The following KMT2A variants were observed in gnomAD, a reference collection of about 807,000 sequenced individuals.
KMT2A encodes lysine methyltransferase 2A, also known as histone-lysine N-methyltransferase 2A.
A neutral mutation model predicts 345.3 loss-of-function variants in KMT2A; 16 were observed. The observed-to-expected ratio is 0.05, with a 90% CI of 0.03 to 0.07. The LOEUF (loss-of-function observed/expected upper bound fraction) is 0.07. Among genes scored for constraint, KMT2A ranks in the 10% least tolerant of loss-of-function variants. The probability of loss-of-function intolerance (pLI) is 1.00; values close to 1 mark genes in which losing one functional copy is unlikely to be tolerated. For missense variants in KMT2A, 3,272 were observed against 4,841.6 expected, an observed-to-expected ratio of 0.68 and a Z score of 9.62; for synonymous variants, 1,599 against 1,778.6, an observed-to-expected ratio of 0.90 and a Z score of 2.54.
Position 118,478,088 on chromosome 11 carries a change from G to A in KMT2A, c.3456G>A (p.Ser1152=), listed in dbSNP as rs782465215. The A allele has an allele frequency of 2.2e-5, 36 of 1,614,130 alleles. No homozygotes were observed. The highest frequency in any genetic ancestry group is 3.3e-5 in the Admixed American group (2 of 60,020). The change falls in exon 5 of 36, where the codon TCG becomes TCA. Residue 1152 remains serine (S), a synonymous_variant. Coordinates refer to ENST00000534358, the MANE Select transcript of KMT2A (RefSeq NM_001197104.2). ...CTCCAGTAAAGAAAGGACGTCGATC[G>A]AGGCGGTGTGGGCAGTGTCCCGGCT... is the stretch of plus-strand genomic sequence containing the variant. ...QEPPVKKGRR[S]RRCGQCPGCQ... is the part of the protein sequence containing the mutation.
intron 3 of KMT2A, among the ~76,000 whole-genome samples, chr11:118,475,090 G>A (rs945871875): frequency 3.9e-5 from 6 of 152,224 alleles, no homozygotes; most frequent in East Asian, 3.9e-4. Context: ...CTGAGATCCC[G>A]CCACTGCACT....
rs9332785 is a variant in KMT2A at position 118,477,699 on chromosome 11, G to T, written c.3335-268G>T. 4.6e-3 allele frequency among the ~76,000 whole-genome samples: 688 copies of T among 150,948 alleles called. 8 individuals carry two copies. The highest frequency in any genetic ancestry group is 0.015 in the African/African-American group (633 of 41,096). On this transcript the variant is annotated intron_variant, in intron 4 of 35. Coordinates refer to ENST00000534358, the MANE Select transcript of KMT2A (RefSeq NM_001197104.2). ...ATTTTTGTATTTTTAGTAGAGAGGGGTTTTGCTATGTTGGCCAGGCTGGTC... is the reference window on the plus strand; with the variant it reads ...ATTTTTGTATTTTTAGTAGAGAGGGTTTTTGCTATGTTGGCCAGGCTGGTC...
At chr11:118,488,585 A>C in intron 10 of KMT2A, 29 bp from the exon 11 acceptor site, 2 of 1,604,264 alleles carry the variant, frequency 1.2e-6, no homozygotes, top group Non-Finnish European at 1.7e-6. Flanking sequence ...TATTTGACAT[A>C]CTTCTATCTT....
At position 118,502,844 on chromosome 11, in the gene KMT2A, A is replaced by T; in HGVS notation, c.6952A>T (p.Ser2318Cys). 1 of 1,614,222 alleles carries T rather than the reference A, an allele frequency of 6.2e-7. No homozygotes were observed. Among genetic ancestry groups the T allele is most frequent in the Non-Finnish European group, 8.5e-7 (1 of 1,180,040 alleles). The change falls in exon 27 of 36, where the codon AGC becomes TGC. Residue 2318 changes from serine to cysteine, a missense_variant. Around this residue, in one of 27 missense-constraint regions of KMT2A, gnomAD observed 445 missense variants for 500.9 expected, o/e 0.89. Coordinates refer to ENST00000534358, the MANE Select transcript of KMT2A (RefSeq NM_001197104.2). The surrounding 1 kb of genome is among the most constrained non-coding windows in gnomAD (Gnocchi z 4.9). ...GAAGACCAAAGTGCTGAGTTCCAAG[A>T]GCTCAGAGGGATCTGCACATAATGT... ...GEKTKVLSSK[S>C]SEGSAHNVAY...
At chr11:118,515,025 C>G (rs1950780800) in intron 31 of KMT2A, among the ~76,000 whole-genome samples, 1 of 152,246 alleles carries the variant, frequency 6.6e-6, no homozygotes, top group African/African-American at 2.4e-5. Flanking sequence ...CCTCGGCCTC[C>G]CAAAGTGCTG....
chr11:118,436,726 G>T lies in KMT2A; in HGVS notation c.214G>T (p.Ala72Ser). The T allele has an allele frequency of 6.6e-7, 1 of 1,525,376 alleles. No individual in the cohort carries two copies. The highest frequency in any genetic ancestry group is 8.8e-7 in the Non-Finnish European group (1 of 1,133,584). The allele number at this position is 1,525,376 out of a possible 1,614,324, so 94.5% of individuals were successfully genotyped here. A position where few individuals can be genotyped will look rare whatever the true frequency, so the allele number is the denominator to read the frequency against. Residue 72 changes from alanine (A) to serine (S), a missense_variant, in exon 1 of 36, where the codon GCT becomes TCT. By Grantham distance (99) the Ala-to-Ser change is moderately conservative. This residue lies in a region of KMT2A where 412 missense variants were observed against 511.0 expected (regional missense o/e 0.81). Coordinates refer to ENST00000534358, the MANE Select transcript of KMT2A (RefSeq NM_001197104.2). The surrounding 1 kb of genome is among the most constrained non-coding windows in gnomAD (Gnocchi z 6.9). ...GGCGGCGGCGGCGGGAAGCAGCGGG[G>T]CTGGGGTTCCAGGGGGAGCGGCCGC... ...AAAAAAGSSG[A>S]GVPGGAAAAS...
chr11:118,473,470 A>T lies in KMT2A; in HGVS notation c.2311A>T (p.Thr771Ser). The change falls in exon 3 of 36, where the codon ACC (threonine) becomes TCC (serine). Residue 771 changes from threonine to serine, a missense_variant. By Grantham distance (58) the Thr-to-Ser change is moderately conservative. This residue lies in a region of KMT2A where 209 missense variants were observed against 237.4 expected (regional missense o/e 0.88). Transcript: ENST00000534358. The surrounding 1 kb of genome is among the most constrained non-coding windows in gnomAD (Gnocchi z 5.2). Reference sequence around the variant, plus strand: ...TAGTAGTTCTGAGCTCTCACCTCTCACCCCCCCGTCTTCTGTCTCTTCCTC... The same window carrying T: ...TAGTAGTTCTGAGCTCTCACCTCTCTCCCCCCCGTCTTCTGTCTCTTCCTC... Reference protein sequence around the residue: ...RLSSSELSPLTPPSSVSSSLS... With the variant: ...RLSSSELSPLSPPSSVSSSLS... 1 of 1,613,224 alleles carries T rather than the reference A, an allele frequency of 6.2e-7. No individual in the cohort carries two copies. Among genetic ancestry groups the T allele is most frequent in the Non-Finnish European group, 8.5e-7 (1 of 1,179,796 alleles).
In KMT2A at chr11:118,505,191, G is replaced by C. The variant is rs2134404319; in HGVS notation, c.9299G>C (p.Gly3100Ala). ...PLYVLQTLPN[G>A]VTQKIQLTSS... ...TATGTTCTCCAAACTCTTCCAAATGGAGTGACCCAAAAAATCCAATTGACC... is the reference window on the plus strand; with the variant it reads ...TATGTTCTCCAAACTCTTCCAAATGCAGTGACCCAAAAAATCCAATTGACC... The change falls in exon 27 of 36, where the codon GGA (glycine) becomes GCA (alanine). Residue 3100 changes from glycine (G) to alanine (A), a missense_variant. This residue lies in a region of KMT2A where 748 missense variants were observed against 922.2 expected (regional missense o/e 0.81). Coordinates refer to ENST00000534358, the MANE Select transcript of KMT2A (RefSeq NM_001197104.2). The surrounding 1 kb of genome is among the most constrained non-coding windows in gnomAD (Gnocchi z 4.6). 6.2e-7 allele frequency: 1 copy of C among 1,614,044 alleles called. No individual in the cohort carries two copies. Among genetic ancestry groups the C allele is most frequent in the Non-Finnish European group, 8.5e-7 (1 of 1,180,002 alleles).
chr11:118,517,719 G>A (rs1241722666), intron 31 of KMT2A, among the ~76,000 whole-genome samples: 1 of 152,148 alleles, frequency 6.6e-6, no homozygotes, highest in East Asian at 1.9e-4. Flanking sequence ...ATATATGCCT[G>A]TAGTCCCAGC....
rs1024083448 is a variant in KMT2A, at chr11:118,520,350, A to G, written c.11429+286A>G. ...TTGTCATGGTCAGAAAGTACTATAT[A>G]TACTAAAAATGGGACTCATTGGCCA... On this transcript the variant is annotated intron_variant, in intron 33 of 35. Transcript: ENST00000534358. This position sits in a 1 kb window ranked among gnomAD's most constrained non-coding sequence, Gnocchi z 4.3. The G allele has an allele frequency of 5.1e-6, 2 of 393,200 alleles. No homozygotes were observed. Among genetic ancestry groups the G allele is most frequent in the Admixed American group, 4.2e-5 (1 of 23,940 alleles). 24.4% of individuals were successfully genotyped at this position (393,200 alleles called of 1,614,324 possible).
At chr11:118,499,765 G>A in intron 23 of KMT2A, 70 bp from the exon 24 acceptor site, 1 of 1,190,332 alleles carries the variant, frequency 8.4e-7, no homozygotes, top group Non-Finnish European at 1.3e-6. Context: ...GGGCGACAGA[G>A]TGAGACTCTC....
rs1364942803 is a variant in KMT2A at position 118,484,671 on chromosome 11, C to T, written c.4219-191C>T. On this transcript the variant is annotated intron_variant, in intron 9 of 35. Transcript: ENST00000534358. The surrounding 1 kb of genome is among the most constrained non-coding windows in gnomAD (Gnocchi z 4.1). The stretch of plus-strand genomic sequence containing the variant: ...CGCAATATATTCAATATGAATTGAA[C>T]AACTAGGTGAGCCTTTTAATAGTCC... Among the ~76,000 whole-genome samples the T allele has an allele frequency of 3.3e-5, 5 of 152,202 alleles. No homozygotes were observed. The highest frequency in any genetic ancestry group is 1.2e-4 in the African/African-American group (5 of 41,440).
intron 24 of KMT2A, among the ~76,000 whole-genome samples, chr11:118,500,234 G>A (rs1290333824): frequency 6.6e-6 from 1 of 152,044 alleles, no homozygotes. Context: ...TTGTTTTTAT[G>A]GATAAAACAG....
At chr11:118,492,406 G>A (rs1309525170) in intron 15 of KMT2A, among the ~76,000 whole-genome samples, 1 of 152,234 alleles carries the variant, frequency 6.6e-6, no homozygotes, top group Non-Finnish European at 1.5e-5. Flanking sequence ...GGGGCCGGGC[G>A]CGGTGGCTCA....
chr11:118,438,488 A>G (rs1949245951), intron 1 of KMT2A, among the ~76,000 whole-genome samples: 1 of 110,524 alleles, frequency 9.0e-6, no homozygotes, highest in Admixed American at 1.1e-4. Context: ...AGCAGCTGCT[A>G]GGGGCTGAAG....
At chr11:118,465,720 A>C (rs1949831952) in intron 1 of KMT2A, among the ~76,000 whole-genome samples, 1 of 152,052 alleles carries the variant, frequency 6.6e-6, no homozygotes, top group South Asian at 2.1e-4. Flanking sequence ...ATATTCTATG[A>C]TTTTTTTGTT....
In KMT2A at chr11:118,498,136, G is replaced by C; in HGVS notation, c.5802+63G>C. 3 of 1,552,340 alleles carry C rather than the reference G, an allele frequency of 1.9e-6. No homozygotes were observed. The highest frequency in any genetic ancestry group is 1.8e-6 in the Non-Finnish European group (2 of 1,128,470). ...CTCTCAGTTTCCAGATATTCTTCCT[G>C]TGGGTGAATATGGCCTCCCTGATAT... On this transcript the variant is annotated intron_variant, in intron 21 of 35. Coordinates refer to ENST00000534358, the MANE Select transcript of KMT2A (RefSeq NM_001197104.2). The surrounding 1 kb of genome is among the most constrained non-coding windows in gnomAD (Gnocchi z 4.4).
rs1950527728 is a variant in KMT2A at position 118,503,124 on chromosome 11, G to A, written c.7232G>A (p.Ser2411Asn). ...AAAACCTTGAAGCTATCTGGAATGA[G>A]CAACAGATCATCCATTATCAACGAA... ...EVKTLKLSGMSNRSSIINEHM... is the reference protein window; with the variant it reads ...EVKTLKLSGMNNRSSIINEHM... Residue 2411 changes from serine (S) to asparagine (N), a missense_variant, in exon 27 of 36, where the codon AGC (serine) becomes AAC (asparagine). Around this residue, in one of 27 missense-constraint regions of KMT2A, gnomAD observed 445 missense variants for 500.9 expected, o/e 0.89. Transcript: ENST00000534358. This position sits in a 1 kb window ranked among gnomAD's most constrained non-coding sequence, Gnocchi z 5.3. 6.2e-7 allele frequency: 1 copy of A among 1,613,568 alleles called. No individual in the cohort carries two copies.
chr11:118,438,860 T>C (rs1467433927), intron 1 of KMT2A, among the ~76,000 whole-genome samples: 1 of 152,198 alleles, frequency 6.6e-6, no homozygotes, highest in Admixed American at 6.5e-5. Context: ...CCTTGCTATG[T>C]AGCTAGCTGC....
Sources: gnomAD v4.1 joint callset for allele counts (sites outside exome capture counted in the v4.1 genomes callset) on GRCh38, gnomAD v4.1.1 for gene constraint, gnomAD v4.1.1 regional missense constraint, Gnocchi (gnomAD v3.1) non-coding constraint, MANE v1.5 for transcripts, NCBI Gene and HGNC (gene_info 2026-07-23, HGNC 2026-07-21) for gene names.